SHC4: variants seen among roughly 807,000 people sequenced by gnomAD.
SHC4 encodes SHC adaptor protein 4, also known as SHC-transforming protein 4.
SHC4 carries 41 observed loss-of-function variants against 69.4 expected under a neutral mutation model. The observed-to-expected ratio is 0.59, with a 90% CI of 0.46 to 0.77. SHC4 has a LOEUF of 0.77. SHC4 is among the 30% of genes least tolerant of loss of function. The pLI, the probability that SHC4 is intolerant of heterozygous loss-of-function variation, is 0.00. For missense variants in SHC4, 777 were observed against 783.8 expected, an observed-to-expected ratio of 0.99 and a Z score of 0.10; for synonymous variants, 318 against 299.3, an observed-to-expected ratio of 1.06 and a Z score of -0.64.
chr15:48,936,564 C>T (rs952364848), intron 1 of SHC4, among the ~76,000 whole-genome samples: 1 of 152,158 alleles, frequency 6.6e-6, no homozygotes, highest in African/African-American at 2.4e-5. Flanking sequence ...AAGCTTGTGC[C>T]TGCTTCCCCT....
chr15:48,909,245 C>T (rs1170915066), intron 2 of SHC4, among the ~76,000 whole-genome samples: 1 of 151,016 alleles, frequency 6.6e-6, no homozygotes, highest in Non-Finnish European at 1.5e-5. Context: ...TTGTAGTCTT[C>T]CTTGTAGAGG....
chr15:48,898,681 A>C (rs1212512696), intron 2 of SHC4, among the ~76,000 whole-genome samples: 1 of 152,208 alleles, frequency 6.6e-6, no homozygotes, highest in African/African-American at 2.4e-5. Flanking sequence ...TGTCTGGAGT[A>C]TCACATCTCC....
At chr15:48,937,191 A>G (rs1216120792) in intron 1 of SHC4, among the ~76,000 whole-genome samples, 1 of 152,170 alleles carries the variant, frequency 6.6e-6, no homozygotes, top group Non-Finnish European at 1.5e-5. Flanking sequence ...CTCATAATGA[A>G]ACTGTGATGA....
chr15:48,938,065 G>A (rs1019737265), intron 1 of SHC4, among the ~76,000 whole-genome samples: 1 of 152,188 alleles, frequency 6.6e-6, no homozygotes, highest in Non-Finnish European at 1.5e-5. Flanking sequence ...CACCATGTAG[G>A]CCTAATCCTA....
intron 4 of SHC4, among the ~76,000 whole-genome samples, chr15:48,872,521 C>T (rs1212221086): frequency 6.6e-6 from 1 of 152,208 alleles, no homozygotes; most frequent in Non-Finnish European, 1.5e-5. Flanking sequence ...CCATATTATG[C>T]TGCCATGTGA....
chr15:48,841,515 A>G (rs1415885978), intron 10 of SHC4, among the ~76,000 whole-genome samples: 1 of 152,186 alleles, frequency 6.6e-6, no homozygotes, highest in African/African-American at 2.4e-5. Flanking sequence ...GCTCTGCCTC[A>G]GCTGCCCAGG....
chr15:48,896,567 C>G (rs571350994), intron 2 of SHC4, among the ~76,000 whole-genome samples: 2 of 152,182 alleles, frequency 1.3e-5, no homozygotes, highest in South Asian at 2.1e-4. Context: ...GTGATCTGCC[C>G]GCCTGGCCTT....
intron 10 of SHC4, among the ~76,000 whole-genome samples, chr15:48,842,683 C>T (rs925000778): frequency 2.0e-5 from 3 of 152,122 alleles, no homozygotes; most frequent in Non-Finnish European, 4.4e-5. Context: ...AATCCCAATG[C>T]TTTGAGAGGC....
intron 9 of SHC4, among the ~76,000 whole-genome samples, chr15:48,850,420 G>A (rs1326994199): frequency 1.3e-5 from 2 of 151,946 alleles, no homozygotes; most frequent in East Asian, 3.9e-4. Context: ...AGTATCCTTG[G>A]AAGTGACTAC....
chr15:48,894,481 A>G (rs1370002550), intron 2 of SHC4, among the ~76,000 whole-genome samples: 2 of 152,174 alleles, frequency 1.3e-5, no homozygotes, highest in East Asian at 1.9e-4. Flanking sequence ...AGATGTCCCA[A>G]TGGAGAGGTG....
Position 48,886,741 on chromosome 15 carries a change from G to A in SHC4, c.721-2374C>T, listed in dbSNP as rs139191397. 6.2e-3 allele frequency among the ~76,000 whole-genome samples: 941 copies of A among 152,270 alleles called. 6 individuals are homozygous for A. The highest frequency in any genetic ancestry group is 0.019 in the African/African-American group (795 of 41,556). On this transcript the variant is annotated intron_variant, in intron 3 of 11. Transcript: ENST00000332408. Reference sequence around the variant, plus strand: ...CAGCGAAGTGCTAACAAACTGTAGTGGTTATAATTACTACTTTTAAAATGA... The same window carrying A: ...CAGCGAAGTGCTAACAAACTGTAGTAGTTATAATTACTACTTTTAAAATGA...
intron 3 of SHC4, among the ~76,000 whole-genome samples, chr15:48,885,987 G>A (rs11638756): frequency 0.19 from 29,185 of 152,170 alleles, 3,769 homozygotes; most frequent in Middle Eastern, 0.32. Flanking sequence ...GGCTGGGTGC[G>A]GTGGCTCACG....
intron 2 of SHC4, among the ~76,000 whole-genome samples, chr15:48,902,677 G>C (rs754010989): frequency 6.6e-6 from 1 of 152,026 alleles, no homozygotes; most frequent in Non-Finnish European, 1.5e-5. Context: ...CGACCTGACT[G>C]GTCAATATGG....
chr15:48,901,173 T>G (rs1293064869), intron 2 of SHC4, among the ~76,000 whole-genome samples: 2 of 152,208 alleles, frequency 1.3e-5, no homozygotes. Flanking sequence ...GCTGACAAGG[T>G]GGCAAAATCG....
At chr15:48,913,130 C>A (rs1900540168) in intron 2 of SHC4, among the ~76,000 whole-genome samples, 1 of 151,764 alleles carries the variant, frequency 6.6e-6, no homozygotes, top group Non-Finnish European at 1.5e-5. Flanking sequence ...TAGAGAGGAG[C>A]CCTTAGTGTG....
At chr15:48,878,080 A>G (rs1022488755) in intron 4 of SHC4, 2 of 1,471,228 alleles carry the variant, frequency 1.4e-6, no homozygotes, top group Non-Finnish European at 1.8e-6. Flanking sequence ...GCGCGGGGTT[A>G]CGCAAGCGCG....
intron 2 of SHC4, among the ~76,000 whole-genome samples, chr15:48,922,268 C>T (rs182544049): frequency 1.3e-5 from 2 of 152,224 alleles, no homozygotes; most frequent in African/African-American, 2.4e-5. Flanking sequence ...GTTTCAGGAA[C>T]TTTATGGATA....
chr15:48,888,049 A>G (rs781659059), intron 3 of SHC4, among the ~76,000 whole-genome samples: 28 of 152,228 alleles, frequency 1.8e-4, no homozygotes, highest in Non-Finnish European at 3.4e-4. Flanking sequence ...TGTAGAAAAC[A>G]GTATGGCAGT....
chr15:48,874,868 A>G (rs975752960), intron 4 of SHC4, among the ~76,000 whole-genome samples: 12 of 152,160 alleles, frequency 7.9e-5, no homozygotes, highest in African/African-American at 2.9e-4. Flanking sequence ...GAATCCGACT[A>G]TTTTAGTTTG....
Sources: gnomAD v4.1 joint callset for allele counts (sites outside exome capture counted in the v4.1 genomes callset) on GRCh38, gnomAD v4.1.1 for gene constraint, MANE v1.5 for transcripts, NCBI Gene and HGNC (gene_info 2026-07-23, HGNC 2026-07-21) for gene names.